Variants in ALK observed in about 807,000 individuals in gnomAD.
ALK encodes the protein ALK tyrosine kinase receptor.
In ALK, 74 loss-of-function variants were observed where a neutral mutation model predicts 163.1. That is an observed-to-expected ratio of 0.45 (90% CI 0.38 to 0.55). The LOEUF is 0.55. Ranked by LOEUF, ALK falls within the 20% of genes least tolerant of loss-of-function variation. The pLI is 0.00. For missense variants in ALK, 2,063 were observed against 2,105.3 expected, an observed-to-expected ratio of 0.98 and a Z score of 0.39; for synonymous variants, 960 against 843.2, an observed-to-expected ratio of 1.14 and a Z score of -2.40.
intron 3 of ALK, among the ~76,000 whole-genome samples, chr2:29,550,610 C>G (rs1272066431): frequency 1.3e-5 from 2 of 152,084 alleles, no homozygotes; most frequent in African/African-American, 4.8e-5. Context: ...GAAATTTGGG[C>G]TTTGTTATCA....
chr2:29,685,708 A>G (rs2148282409), intron 3 of ALK, among the ~76,000 whole-genome samples: 1 of 152,292 alleles, frequency 6.6e-6, no homozygotes, highest in Non-Finnish European at 1.5e-5. Flanking sequence ...TTAGTATCCT[A>G]TTGCTGCAGT....
intron 3 of ALK, among the ~76,000 whole-genome samples, chr2:29,626,715 C>A (rs538565666): frequency 6.6e-6 from 1 of 152,214 alleles, no homozygotes; most frequent in African/African-American, 2.4e-5. Context: ...TCACCAGGAA[C>A]CAAATCTGCC....
intron 4 of ALK, among the ~76,000 whole-genome samples, chr2:29,418,115 G>A (rs534388295): frequency 7.2e-5 from 11 of 152,226 alleles, no homozygotes; most frequent in South Asian, 2.1e-4. Context: ...GATTCGATTC[G>A]TCCTTTAACA....
At chr2:29,824,171 G>A (rs1226302091) in intron 1 of ALK, among the ~76,000 whole-genome samples, 1 of 152,244 alleles carries the variant, frequency 6.6e-6, no homozygotes, top group Non-Finnish European at 1.5e-5. Context: ...CAGGTACACA[G>A]AAGTCAAGAA....
At chr2:29,610,374 A>G (rs1403074473) in intron 3 of ALK, among the ~76,000 whole-genome samples, 1 of 152,192 alleles carries the variant, frequency 6.6e-6, no homozygotes, top group African/African-American at 2.4e-5. Flanking sequence ...AGCTATTATA[A>G]TAATGGCTCC....
rs377075777 is a variant in ALK, at chr2:29,671,970, C to T, written c.952+22880G>A. 8.2e-3 allele frequency among the ~76,000 whole-genome samples: 1,240 copies of T among 151,618 alleles called. 15 individuals are homozygous for T. Among genetic ancestry groups the T allele is most frequent in the South Asian group, 0.044 (213 of 4,804 alleles). ...AATTCTAATGATACAAAAATGTATT[C>T]TCCTCCTAGTTCCCCAACCAAAATT... On this transcript the variant is annotated intron_variant, in intron 3 of 28. Transcript: ENST00000389048.
In ALK at chr2:29,194,291, AAAAAAT is replaced by A. The variant is rs1185405438; in HGVS notation, c.4165-375_4165-370del. ...GTTCCACTAAAATCGTTCCAACTGGAAAAAATAAAAATAAAAGCCTATGTGTTTGAC... is the reference window on the plus strand; with the variant it reads ...GTTCCACTAAAATCGTTCCAACTGGAAAAAATAAAAGCCTATGTGTTTGAC... On this transcript the variant is annotated intron_variant, in intron 28 of 28. Coordinates refer to ENST00000389048, the MANE Select transcript of ALK (RefSeq NM_004304.5). Among the ~76,000 whole-genome samples, 4 of 152,174 alleles carry A rather than the reference AAAAAAT, an allele frequency of 2.6e-5. No individual in the cohort carries two copies. The East Asian group carries it at 5.8e-4, about 22-fold the overall frequency.
At chr2:29,660,405 T>G (rs1677313557) in intron 3 of ALK, among the ~76,000 whole-genome samples, 1 of 152,122 alleles carries the variant, frequency 6.6e-6, no homozygotes, top group African/African-American at 2.4e-5. Context: ...ATGCTGAGGT[T>G]CAGCTGCTCC....
chr2:29,791,786 A>G (rs1017348717), intron 1 of ALK, among the ~76,000 whole-genome samples: 3 of 152,148 alleles, frequency 2.0e-5, no homozygotes, highest in African/African-American at 4.8e-5. Context: ...ACTAGTTTAT[A>G]TGGTTTGTGC....
rs1230240235 is a variant in ALK, at chr2:29,885,383, C to T, written c.667+34610G>A. Reference sequence around the variant, plus strand: ...AAGAGAACCCCAACAAACAGAACATCACGAAAGTCTGAAAGGATTACACCA... The same window carrying T: ...AAGAGAACCCCAACAAACAGAACATTACGAAAGTCTGAAAGGATTACACCA... On this transcript the variant is annotated intron_variant, in intron 1 of 28. Transcript: ENST00000389048. Among the ~76,000 whole-genome samples, 4 of 152,214 alleles carry T rather than the reference C, an allele frequency of 2.6e-5. No individual in the cohort carries two copies. In the East Asian group the frequency reaches 7.7e-4, roughly 29 times the overall value.
chr2:29,462,145 T>C (rs982025162), intron 4 of ALK, among the ~76,000 whole-genome samples: 1 of 152,174 alleles, frequency 6.6e-6, no homozygotes, highest in African/African-American at 2.4e-5. Flanking sequence ...GAGGAGTTGC[T>C]TTTTGTGGAA....
intron 24 of ALK, among the ~76,000 whole-genome samples, chr2:29,213,031 C>A (rs1728827): frequency 0.61 from 92,434 of 152,124 alleles, 28,625 homozygotes; most frequent in East Asian, 0.89. Context: ...CTCATTTTCT[C>A]TTTTGTACTT....
intron 4 of ALK, among the ~76,000 whole-genome samples, chr2:29,484,241 A>G (rs113904014): frequency 2.0e-5 from 3 of 152,286 alleles, no homozygotes; most frequent in African/African-American, 7.2e-5. Flanking sequence ...ATTGATTGAT[A>G]GAATGACTTT....
chr2:29,871,615 T>C (rs1666577593), intron 1 of ALK, among the ~76,000 whole-genome samples: 2 of 152,120 alleles, frequency 1.3e-5, no homozygotes, highest in African/African-American at 4.8e-5. Context: ...CTCCTGACCA[T>C]AAGAAACCTG....
At chr2:29,355,046 G>A (rs1668214303) in intron 5 of ALK, among the ~76,000 whole-genome samples, 1 of 152,172 alleles carries the variant, frequency 6.6e-6, no homozygotes, top group African/African-American at 2.4e-5. Flanking sequence ...GATTATAGGC[G>A]TGAGCCACTA....
At chr2:29,830,955 A>AGAAGAAG (rs1365660150) in intron 1 of ALK, among the ~76,000 whole-genome samples, 1 of 27,732 alleles carries the variant, frequency 3.6e-5, no homozygotes, top group African/African-American at 1.2e-4. Context: ...AAGAAGAAGA[A>AGAAGAAG]AAGAAGAAGA....
At chr2:29,767,884 C>T (rs1680906771) in intron 1 of ALK, among the ~76,000 whole-genome samples, 1 of 152,202 alleles carries the variant, frequency 6.6e-6, no homozygotes, top group South Asian at 2.1e-4. Context: ...GACATAACTC[C>T]AAGGAACATT....
intron 12 of ALK, among the ~76,000 whole-genome samples, chr2:29,240,152 C>CAGAGAGAGAGAGAG (rs3054022): frequency 7.0e-6 from 1 of 143,298 alleles, no homozygotes; most frequent in Non-Finnish European, 1.5e-5. Context: ...AGGGAAACAG[C>CAGAGAGAGAGAGAG]AGAGAGAGAG....
Position 29,193,354 on chromosome 2 carries a change from G to A in ALK, c.4733C>T (p.Pro1578Leu), listed in dbSNP as rs1251627719. ...GTAGCCGTAATTGACATTCCCACAA[G>A]GGAAGTGACGTAGCCTGAACAGAGG... ...EVPLFRLRHF[P>L]CGNVNYGYQQ... is the part of the protein sequence containing the mutation. Residue 1578 changes from proline (P) to leucine (L), a missense_variant, in exon 29 of 29, where the codon CCT becomes CTT. Physicochemically the swap from Pro to Leu is moderately conservative, Grantham distance 98. Coordinates refer to ENST00000389048, the MANE Select transcript of ALK (RefSeq NM_004304.5). 6.2e-7 allele frequency: 1 copy of A among 1,614,180 alleles called. No individual in the cohort carries two copies. Among genetic ancestry groups the A allele is most frequent in the Non-Finnish European group, 8.5e-7 (1 of 1,180,030 alleles).
Sources: allele counts gnomAD v4.1 joint callset (sites outside exome capture counted in the v4.1 genomes callset), GRCh38; gene constraint gnomAD v4.1.1; transcripts MANE v1.5; gene names NCBI Gene and HGNC (gene_info 2026-07-23, HGNC 2026-07-21).